MASP1: variants seen among roughly 807,000 people sequenced by gnomAD.
The protein encoded by MASP1 is MBL associated serine protease 1, also known as mannan-binding lectin serine protease 1.
Under a neutral mutation model 77.1 loss-of-function variants are expected in MASP1, and 59 were observed. That is an observed-to-expected ratio of 0.77 (90% CI 0.62 to 0.95). MASP1 has a LOEUF of 0.95. Ranked by LOEUF, MASP1 falls within the 40% of genes least tolerant of loss-of-function variation. MASP1 has a pLI of 0.00. For synonymous variants in MASP1, 362 were observed against 354.5 expected, an observed-to-expected ratio of 1.02 and a Z score of -0.24; for missense variants, 885 against 912.9, an observed-to-expected ratio of 0.97 and a Z score of 0.39.
chr3:187,260,610 G>T, intron 4 of MASP1, 131 bp downstream of exon 4: 1 of 1,233,924 alleles, frequency 8.1e-7, no homozygotes, highest in Non-Finnish European at 1.2e-6. Context: ...CATCCATGTG[G>T]TGTCTGAGGT....
At chr3:187,261,676 G>A (rs1238055677) in intron 3 of MASP1, among the ~76,000 whole-genome samples, 1 of 152,198 alleles carries the variant, frequency 6.6e-6, no homozygotes, top group East Asian at 1.9e-4. Context: ...GTCTCATAAA[G>A]CTAAACGTAT....
chr3:187,279,022 C>T (rs1393114850), intron 2 of MASP1, among the ~76,000 whole-genome samples: 1 of 151,712 alleles, frequency 6.6e-6, no homozygotes, highest in South Asian at 2.1e-4. Context: ...ACGTCCTAGA[C>T]TAAAATGCTA....
At chr3:187,231,567 T>C (rs1005868819), downstream of MASP1, among the ~76,000 whole-genome samples, 2 of 152,228 alleles carry the variant, frequency 1.3e-5, no homozygotes, top group Non-Finnish European at 2.9e-5. Context: ...TCTGAGACCA[T>C]AAATGGAACT....
rs771346155 is a variant in MASP1, at chr3:187,235,814, C to G, written c.2057G>C (p.Trp686Ser). 71 of 1,614,086 alleles carry G rather than the reference C, an allele frequency of 4.4e-5. No individual in the cohort carries two copies. The highest frequency in any genetic ancestry group is 5.6e-5 in the Non-Finnish European group (66 of 1,180,036). The change falls in exon 11 of 11, where the codon TGG becomes TCG. Residue 686 changes from tryptophan to serine, a missense_variant. Trp to Ser is a radical substitution (Grantham distance 177). Transcript: ENST00000296280. ...QRWVVQGLVS[W>S]GGPEECGSKQ... ...GCTGCCGCATTCTTCAGGTCCCCCC[C>G]AGGACACCAGGCCTTGCACCACCCA... is the stretch of plus-strand genomic sequence containing the variant.
At chr3:187,254,430 C>T (rs141681729) in intron 5 of MASP1, among the ~76,000 whole-genome samples, 2 of 152,170 alleles carry the variant, frequency 1.3e-5, no homozygotes, top group Admixed American at 6.5e-5. Flanking sequence ...ATGTAAAGGT[C>T]AAAGCCAAGG....
downstream of MASP1, among the ~76,000 whole-genome samples, chr3:187,232,235 C>G (rs529804824): frequency 1.3e-5 from 2 of 150,804 alleles, no homozygotes; most frequent in African/African-American, 4.9e-5. Flanking sequence ...TTCCCCCCCC[C>G]CCCTTTTTTT....
chr3:187,267,904 A>G (rs543656956), intron 2 of MASP1, among the ~76,000 whole-genome samples: 22 of 5,740 alleles, frequency 3.8e-3, no homozygotes, highest in African/African-American at 4.2e-3. Flanking sequence ...AGCTCCTTCT[A>G]TAATTACGAG....
chr3:187,236,108 C>T lies in MASP1; in HGVS notation c.1763G>A (p.Gly588Asp), dbSNP rs1713148118. 1 of 1,613,862 alleles carries T rather than the reference C, an allele frequency of 6.2e-7. No individual in the cohort carries two copies. Among genetic ancestry groups the T allele is most frequent in the Non-Finnish European group, 8.5e-7 (1 of 1,180,048 alleles). The change falls in exon 11 of 11, where the codon GGC becomes GAC. Residue 588 changes from glycine (G) to aspartate (D), a missense_variant. Transcript: ENST00000296280. ...EPEGPAPHMLGLVAGWGISNP... is the reference protein window; with the variant it reads ...EPEGPAPHMLDLVAGWGISNP... ...GGAGATGCCCCAGCCGGCCACCAGG[C>T]CCAGCATGTGGGGGGCCGGGCCTTC...
At chr3:187,273,264 T>G (rs555790759) in intron 2 of MASP1, among the ~76,000 whole-genome samples, 2 of 152,324 alleles carry the variant, frequency 1.3e-5, no homozygotes, top group African/African-American at 4.8e-5. Flanking sequence ...GAAGGGCACC[T>G]AGAGAGACCT....
At chr3:187,254,037 G>A (rs995180692) in intron 5 of MASP1, among the ~76,000 whole-genome samples, 1 of 152,136 alleles carries the variant, frequency 6.6e-6, no homozygotes, top group East Asian at 1.9e-4. Context: ...AAAGATGAAC[G>A]TATTGTGGCT....
At chr3:187,281,036 C>T (rs1023511393) in intron 2 of MASP1, among the ~76,000 whole-genome samples, 12 of 152,184 alleles carry the variant, frequency 7.9e-5, no homozygotes, top group Admixed American at 7.9e-4. Flanking sequence ...CACCCAGGAC[C>T]CAGGCTGCCT....
At chr3:187,229,537 C>T (rs1377086681), downstream of MASP1, among the ~76,000 whole-genome samples, 1 of 152,154 alleles carries the variant, frequency 6.6e-6, no homozygotes, top group Non-Finnish European at 1.5e-5. Context: ...CTGTCTTTGA[C>T]CTCCATGTAC....
exon 16 of MASP1, chr3:187,217,377 G>A (rs1711831775): frequency 6.6e-6 from 1 of 152,154 alleles, no homozygotes; most frequent in Admixed American, 6.5e-5. Flanking sequence ...GATTATTATT[G>A]CTAACAGCAG....
chr3:187,267,722 C>G (rs554591137), intron 2 of MASP1, among the ~76,000 whole-genome samples: 2 of 152,316 alleles, frequency 1.3e-5, no homozygotes, highest in East Asian at 3.9e-4. Flanking sequence ...TCTCAGAGAC[C>G]CTTTTCCATG....
exon 16 of MASP1, chr3:187,220,120 A>T: frequency 6.2e-7 from 1 of 1,614,036 alleles, no homozygotes; most frequent in Non-Finnish European, 8.5e-7. Flanking sequence ...GTTGTGGTGG[A>T]TGTAAGAGTA....
chr3:187,255,583 A>G (rs1274113183), intron 5 of MASP1, among the ~76,000 whole-genome samples: 5 of 152,212 alleles, frequency 3.3e-5, no homozygotes, highest in African/African-American at 1.2e-4. Context: ...ACACAGCAAA[A>G]TAGAAAACCG....
intron 14 of MASP1, among the ~76,000 whole-genome samples, chr3:187,222,680 GTTTT>G (rs60117293): frequency 7.1e-6 from 1 of 139,974 alleles, no homozygotes; most frequent in South Asian, 2.3e-4. Flanking sequence ...TTAGTTAAGT[GTTTT>G]TTTTTTTTTT....
Position 187,256,740 on chromosome 3 carries a change from A to G in MASP1, c.668T>C (p.Met223Thr), listed in dbSNP as rs1161159267. The G allele has an allele frequency of 1.9e-6, 3 of 1,613,862 alleles. No homozygotes were observed. Among genetic ancestry groups the G allele is most frequent in the East Asian group, 2.2e-5 (1 of 44,870 alleles). The change falls in exon 5 of 11, where the codon ATG (methionine) becomes ACG (threonine). Residue 223 changes from methionine (M) to threonine (T), a missense_variant. Transcript: ENST00000296280. ...LYTIELEEGF[M>T]VNLQFEDIFD... ...TATGTCCTCAAACTGCAGGTTGACCATGAAACCCTCCTCCAGCTCGATGGT... is the reference window on the plus strand; with the variant it reads ...TATGTCCTCAAACTGCAGGTTGACCGTGAAACCCTCCTCCAGCTCGATGGT...
intron 12 of MASP1, chr3:187,226,312 C>T (rs563928051): frequency 4.0e-5 from 36 of 903,064 alleles, no homozygotes; most frequent in Non-Finnish European, 5.2e-5. Flanking sequence ...AATGAGTGAG[C>T]GAGTGAGTGA....
Sources: gnomAD v4.1 joint callset for allele counts (sites outside exome capture counted in the v4.1 genomes callset) on GRCh38, gnomAD v4.1.1 for gene constraint, MANE v1.5 for transcripts, NCBI Gene and HGNC (gene_info 2026-07-23, HGNC 2026-07-21) for gene names.